The following ST18 variants were observed in gnomAD, a reference collection of about 807,000 sequenced individuals.
The protein encoded by ST18 is suppression of tumorigenicity 18 protein.
ST18 carries 50 observed loss-of-function variants against 110.0 expected under a neutral mutation model. The observed-to-expected ratio is 0.45, with a 90% CI of 0.36 to 0.58. The LOEUF (loss-of-function observed/expected upper bound fraction) is 0.58. ST18 is among the 20% of genes least tolerant of loss of function. The probability of loss-of-function intolerance (pLI) is 0.00; values close to 1 mark genes in which losing one functional copy is unlikely to be tolerated. For synonymous variants in ST18, 461 were observed against 452.4 expected (o/e 1.02, Z -0.24); for missense variants, 1,306 against 1,280.1 (o/e 1.02, Z -0.31).
At chr8:52,311,480 C>T (rs1252046519) in intron 2 of ST18, among the ~76,000 whole-genome samples, 1 of 152,156 alleles carries the variant, frequency 6.6e-6, no homozygotes, top group Non-Finnish European at 1.5e-5. Context: ...CTAATGATCC[C>T]ATTTCTAAGG....
At chr8:52,167,585 C>T (rs1316311298) in intron 10 of ST18, among the ~76,000 whole-genome samples, 1 of 152,180 alleles carries the variant, frequency 6.6e-6, no homozygotes, top group African/African-American at 2.4e-5. Flanking sequence ...ATTCCAACAC[C>T]CCCACGGGTT....
intron 6 of ST18, among the ~76,000 whole-genome samples, chr8:52,214,832 A>T (rs2083522282): frequency 6.6e-6 from 1 of 152,200 alleles, no homozygotes; most frequent in African/African-American, 2.4e-5. Context: ...AATCATTCAA[A>T]TGTATAAGGA....
At chr8:52,141,679 T>C (rs1383551882) in intron 17 of ST18, among the ~76,000 whole-genome samples, 1 of 151,890 alleles carries the variant, frequency 6.6e-6, no homozygotes, top group Non-Finnish European at 1.5e-5. Context: ...GAGGAGAGGA[T>C]GTGGGCCCTG....
intron 8 of ST18, among the ~76,000 whole-genome samples, chr8:52,211,608 T>C (rs984819580): frequency 1.3e-4 from 20 of 152,044 alleles, no homozygotes; most frequent in African/African-American, 4.3e-4. Flanking sequence ...GGTTTCGCCA[T>C]GTTGCCCAGG....
chr8:52,122,940 C>G lies in ST18; in HGVS notation c.2755+3112G>C, dbSNP rs377020794. On this transcript the variant is annotated intron_variant, in intron 23 of 25. Transcript: ENST00000689386. ...AAATTATATATAACTATATTTAGGACACACTATTTTGTCACATGAGAAGAG... is the reference window on the plus strand; with the variant it reads ...AAATTATATATAACTATATTTAGGAGACACTATTTTGTCACATGAGAAGAG... Among the ~76,000 whole-genome samples the G allele has an allele frequency of 5.2e-4, 79 of 152,042 alleles. 3 individuals are homozygous for G. In the South Asian group the frequency reaches 0.016, roughly 31 times the overall value.
chr8:52,167,444 CCCTG>C (rs972651753), intron 10 of ST18, among the ~76,000 whole-genome samples: 101 of 152,384 alleles, frequency 6.6e-4, no homozygotes, highest in African/African-American at 2.4e-3. Flanking sequence ...CTGGCCTTGG[CCCTG>C]CAGGTCCTTG....
chr8:52,112,996 A>T lies in ST18; in HGVS notation c.*202T>A. 2.3e-6 allele frequency: 1 copy of T among 429,384 alleles called. No individual in the cohort carries two copies. Among genetic ancestry groups the T allele is most frequent in the Non-Finnish European group, 4.0e-6 (1 of 251,404 alleles). 26.6% of individuals were successfully genotyped at this position (429,384 alleles called of 1,614,324 possible). A position where few individuals can be genotyped will look rare whatever the true frequency, so the allele number is the denominator to read the frequency against. ...GAAAATAAATAAGATCTAATAATTG[A>T]CTGCATTGCTTTTAATCCAAGAAGT... On this transcript the variant is annotated 3_prime_UTR_variant, in exon 26 of 26. Transcript: ENST00000689386.
intron 2 of ST18, among the ~76,000 whole-genome samples, chr8:52,343,274 A>G (rs1816036881): frequency 1.3e-5 from 2 of 152,222 alleles, no homozygotes; most frequent in Non-Finnish European, 2.9e-5. Flanking sequence ...GCTTCAGGAG[A>G]GTTGGGTTTT....
chr8:52,184,926 G>T (rs2134412623), intron 8 of ST18, among the ~76,000 whole-genome samples: 1 of 152,088 alleles, frequency 6.6e-6, no homozygotes, highest in South Asian at 2.1e-4. Flanking sequence ...TCATTGAAAG[G>T]GGCCAAGAAG....
chr8:52,169,581 G>C (rs1469638699), intron 10 of ST18, among the ~76,000 whole-genome samples: 1 of 152,206 alleles, frequency 6.6e-6, no homozygotes, highest in African/African-American at 2.4e-5. Flanking sequence ...TGTTGTCTGG[G>C]AGGTTAGGTT....
chr8:52,299,610 A>G (rs1035090821), intron 2 of ST18, among the ~76,000 whole-genome samples: 5 of 152,192 alleles, frequency 3.3e-5, no homozygotes, highest in Non-Finnish European at 7.3e-5. Flanking sequence ...ATATAAGTCC[A>G]TGTGTCTTGC....
In ST18 at chr8:52,130,256, T is replaced by A. The variant is rs188149335; in HGVS notation, c.2666+1702A>T. On this transcript the variant is annotated intron_variant, in intron 22 of 25. Coordinates refer to ENST00000689386, the MANE Select transcript of ST18 (RefSeq NM_001352837.2). ...TTTTGTTATTATGAAATACATAATA[T>A]GTAAACAGGAACCTATGATGTGTAT... is the stretch of plus-strand genomic sequence containing the variant. Among the ~76,000 whole-genome samples, 67 of 152,356 alleles carry A rather than the reference T, an allele frequency of 4.4e-4. No homozygotes were observed. In the East Asian group the frequency reaches 7.5e-3, roughly 17 times the overall value.
At chr8:52,157,859 C>G (rs1357112979) in intron 15 of ST18, among the ~76,000 whole-genome samples, 7 of 152,264 alleles carry the variant, frequency 4.6e-5, no homozygotes, top group Admixed American at 4.6e-4. Context: ...CGGGGACCGG[C>G]ACACTTAAAG....
At chr8:52,271,806 A>G (rs573150412) in intron 2 of ST18, among the ~76,000 whole-genome samples, 31 of 152,366 alleles carry the variant, frequency 2.0e-4, no homozygotes, top group African/African-American at 7.2e-4. Flanking sequence ...GATTACACAG[A>G]CAAATGAACA....
chr8:52,380,462 G>T (rs1361493594), intron 2 of ST18, among the ~76,000 whole-genome samples: 1 of 152,074 alleles, frequency 6.6e-6, no homozygotes, highest in African/African-American at 2.4e-5. Flanking sequence ...ATTTTCAACT[G>T]CATGGGAGAC....
At chr8:52,165,104 T>C (rs1184648819) in intron 12 of ST18, 31 bp downstream of exon 12, 1 of 1,609,126 alleles carries the variant, frequency 6.2e-7, no homozygotes, top group Non-Finnish European at 8.5e-7. Flanking sequence ...ATTTTTTAAA[T>C]GCAAAATGAT....
intron 8 of ST18, among the ~76,000 whole-genome samples, chr8:52,195,782 A>T (rs187268979): frequency 2.8e-4 from 42 of 152,338 alleles, no homozygotes; most frequent in Non-Finnish European, 5.1e-4. Context: ...TTTTACCTTA[A>T]CTAACTTGGT....
chr8:52,171,850 C>T lies in ST18; in HGVS notation c.1011G>A (p.Gly337=). Residue 337 remains glycine (G), a synonymous_variant, in exon 10 of 26, where the codon GGG becomes GGA. Transcript: ENST00000689386. ...CGATAACTTTGGTTTGCCTCCTTTC[C>T]CCTGCTAGGTGCTCCAGCAGGAACC... ...LDRFLLEHLA[G]ERRQTKVIDM... 4 of 1,614,132 alleles carry T rather than the reference C, an allele frequency of 2.5e-6. No homozygotes were observed. Among genetic ancestry groups the T allele is most frequent in the Non-Finnish European group, 3.4e-6 (4 of 1,180,028 alleles).
chr8:52,345,980 GA>G, intron 2 of ST18, among the ~76,000 whole-genome samples: 1 of 152,020 alleles, frequency 6.6e-6, no homozygotes, highest in African/African-American at 2.4e-5. Flanking sequence ...TTAGTTATAT[GA>G]AAAAATAATC....
Sources: gnomAD v4.1 joint callset for allele counts (sites outside exome capture counted in the v4.1 genomes callset) on GRCh38, gnomAD v4.1.1 for gene constraint, MANE v1.5 for transcripts, NCBI Gene and HGNC (gene_info 2026-07-23, HGNC 2026-07-21) for gene names.